CFAP97: variants seen among roughly 807,000 people sequenced by gnomAD.
The protein encoded by CFAP97 is cilia- and flagella-associated protein 97.
In CFAP97, 36 loss-of-function variants were observed where a neutral mutation model predicts 43.1. That is an observed-to-expected ratio of 0.84 (90% CI 0.64 to 1.10). The LOEUF (loss-of-function observed/expected upper bound fraction) is 1.10, where lower values mean the gene tolerates loss of function less well. Ranked by LOEUF, CFAP97 falls within the 50% of genes least tolerant of loss-of-function variation. The probability of loss-of-function intolerance (pLI) is 0.00; values close to 1 mark genes in which losing one functional copy is unlikely to be tolerated. For synonymous variants in CFAP97, 228 were observed against 225.7 expected (o/e 1.01, Z -0.09); for missense variants, 657 against 620.3 (o/e 1.06, Z -0.63).
chr4:185,199,204 C>T (rs991401240), intron 1 of CFAP97, among the ~76,000 whole-genome samples: 24 of 152,128 alleles, frequency 1.6e-4, no homozygotes, highest in African/African-American at 5.6e-4. Flanking sequence ...GAAACCCCAT[C>T]TCTACAAAAA....
At chr4:185,183,535 C>G (rs761995656) in intron 2 of CFAP97, among the ~76,000 whole-genome samples, 1 of 152,206 alleles carries the variant, frequency 6.6e-6, no homozygotes, top group East Asian at 1.9e-4. Context: ...TCATATCCAC[C>G]TACCATGACC....
At chr4:185,170,481 C>G in intron 3 of CFAP97, 3 of 366,454 alleles carry the variant, frequency 8.2e-6, no homozygotes, top group Non-Finnish European at 1.5e-5. Flanking sequence ...ACTGCAACCT[C>G]TGCTTCCCGG....
chr4:185,180,356 C>A (rs564490520), intron 2 of CFAP97, among the ~76,000 whole-genome samples: 8 of 152,214 alleles, frequency 5.3e-5, no homozygotes, highest in African/African-American at 1.9e-4. Flanking sequence ...TAACCATCAC[C>A]ACCACCAGTT....
chr4:185,190,447 A>AT lies in CFAP97; in HGVS notation c.749dup (p.Asp250GlufsTer5). ...ATAAGGGACTTACGTCAGTCACAGT[A>AT]TCTTCAGACTCCTCAGGGTAGTGGC... On this transcript the variant is annotated frameshift_variant, in exon 2 of 5. Transcript: ENST00000458385. LOFTEE classifies it high-confidence loss of function. 1 of 1,613,916 alleles carries AT rather than the reference A, an allele frequency of 6.2e-7. No individual in the cohort carries two copies. The highest frequency in any genetic ancestry group is 8.5e-7 in the Non-Finnish European group (1 of 1,179,840).
intron 1 of CFAP97, among the ~76,000 whole-genome samples, chr4:185,203,458 C>T (rs1342765106): frequency 2.6e-5 from 4 of 152,186 alleles, no homozygotes; most frequent in Non-Finnish European, 5.9e-5. Context: ...AAAATCCCGG[C>T]CCAAATTAAA....
chr4:185,176,383 G>A (rs1735544036), intron 2 of CFAP97, among the ~76,000 whole-genome samples: 1 of 152,150 alleles, frequency 6.6e-6, no homozygotes, highest in South Asian at 2.1e-4. Flanking sequence ...AAAGTGCTGG[G>A]ATTGCAGGTG....
chr4:185,171,097 T>C (rs1735286877), intron 3 of CFAP97, among the ~76,000 whole-genome samples: 1 of 151,894 alleles, frequency 6.6e-6, no homozygotes, highest in Non-Finnish European at 1.5e-5. Context: ...CTGGAAAAAT[T>C]ATGCTAACAG....
At chr4:185,181,028 G>T (rs898027953) in intron 2 of CFAP97, among the ~76,000 whole-genome samples, 1 of 151,950 alleles carries the variant, frequency 6.6e-6, no homozygotes, top group African/African-American at 2.4e-5. Flanking sequence ...AAAAGTCAGC[G>T]AGTGGCAGAG....
At chr4:185,189,145 G>GC (rs1286144435) in intron 2 of CFAP97, among the ~76,000 whole-genome samples, 1 of 152,186 alleles carries the variant, frequency 6.6e-6, no homozygotes, top group African/African-American at 2.4e-5. Flanking sequence ...GCTGAGGCAG[G>GC]AGGATTACTT....
intron 1 of CFAP97, among the ~76,000 whole-genome samples, chr4:185,191,915 TA>T (rs918019405): frequency 6.6e-5 from 10 of 151,190 alleles, no homozygotes; most frequent in African/African-American, 1.2e-4. Flanking sequence ...AGGATAGAGT[TA>T]AAAAAAAACT....
At chr4:185,202,204 T>C (rs1184486688) in intron 1 of CFAP97, among the ~76,000 whole-genome samples, 2 of 152,170 alleles carry the variant, frequency 1.3e-5, no homozygotes, top group African/African-American at 4.8e-5. Flanking sequence ...TGAGCCATGC[T>C]CTTTGCTACC....
chr4:185,194,477 G>A (rs1273668383), intron 1 of CFAP97, among the ~76,000 whole-genome samples: 1 of 152,122 alleles, frequency 6.6e-6, no homozygotes, highest in Non-Finnish European at 1.5e-5. Flanking sequence ...CGACAAGAGT[G>A]AGACTCCATC....
rs777729235 is a variant in CFAP97, at chr4:185,191,094, T to C, written c.103A>G (p.Lys35Glu). 12 of 1,612,780 alleles carry C rather than the reference T, an allele frequency of 7.4e-6. No individual in the cohort carries two copies. In the Admixed American group the frequency reaches 2.0e-4, roughly 27 times the overall value. The change falls in exon 2 of 5, where the codon AAG becomes GAG. Residue 35 changes from lysine (K) to glutamate (E), a missense_variant. Coordinates refer to ENST00000458385, the MANE Select transcript of CFAP97 (RefSeq NM_020827.3). ...CTTTCCTTTGGGTCATCATTTTGCT[T>C]GTCAAAAACTGAGTTAGTTTCACAT... The part of the protein sequence containing the change: ...KKCETNSVFD[K>E]QNDDPKERID...
intron 2 of CFAP97, among the ~76,000 whole-genome samples, chr4:185,176,953 T>C (rs1735573853): frequency 1.3e-5 from 2 of 152,224 alleles, no homozygotes; most frequent in Admixed American, 6.5e-5. Flanking sequence ...AGAAAGGTGT[T>C]TTTAGCTAGC....
chr4:185,180,928 A>T (rs563880160), intron 2 of CFAP97, among the ~76,000 whole-genome samples: 22 of 152,270 alleles, frequency 1.4e-4, no homozygotes, highest in Middle Eastern at 3.4e-3. Flanking sequence ...TACATCTACC[A>T]ATAGTTACCA....
At chr4:185,189,046 G>A (rs113379250) in intron 2 of CFAP97, among the ~76,000 whole-genome samples, 5,938 of 152,146 alleles carry the variant, frequency 0.039, 375 homozygotes, top group African/African-American at 0.13. Flanking sequence ...GACGCAGCCC[G>A]CGCAGCATAG....
chr4:185,191,098 A>G lies in CFAP97; in HGVS notation c.99T>C (p.Phe33=). Residue 33 remains phenylalanine (F), a synonymous_variant, in exon 2 of 5, where the codon TTT becomes TTC. Coordinates refer to ENST00000458385, the MANE Select transcript of CFAP97 (RefSeq NM_020827.3). Reference sequence around the variant, plus strand: ...CCTTTGGGTCATCATTTTGCTTGTCAAAAACTGAGTTAGTTTCACATTTCT... The same window carrying G: ...CCTTTGGGTCATCATTTTGCTTGTCGAAAACTGAGTTAGTTTCACATTTCT... ...EGKKCETNSV[F]DKQNDDPKER... 4 of 1,612,848 alleles carry G rather than the reference A, an allele frequency of 2.5e-6. No homozygotes were observed. Among genetic ancestry groups the G allele is most frequent in the Non-Finnish European group, 3.4e-6 (4 of 1,179,662 alleles).
upstream of CFAP97, chr4:185,204,303 G>T (rs955793236): frequency 9.2e-5 from 14 of 152,228 alleles, no homozygotes; most frequent in Non-Finnish European, 1.9e-4. Flanking sequence ...AGGGAAAGCT[G>T]CCTTGATTAT....
At position 185,190,159 on chromosome 4, in the gene CFAP97, C is replaced by G. The variant is rs1736167038; in HGVS notation, c.1038G>C (p.Leu346=). 1 of 1,565,586 alleles carries G rather than the reference C, an allele frequency of 6.4e-7. No homozygotes were observed. Among genetic ancestry groups the G allele is most frequent in the Non-Finnish European group, 8.6e-7 (1 of 1,157,384 alleles). ...KQKVLHDTMD[L]NHLLKAFLQL... is the part of the protein sequence containing the mutation. ...GAAAATTACCTTTCAAGAGATGATT[C>G]AGATCCATTGTGTCATGTAAGACTT... Residue 346 remains leucine, a synonymous_variant, in exon 2 of 5, where the codon CTG becomes CTC. Transcript: ENST00000458385.
Sources: gnomAD v4.1 joint callset for allele counts (sites outside exome capture counted in the v4.1 genomes callset) on GRCh38, gnomAD v4.1.1 for gene constraint, MANE v1.5 for transcripts, NCBI Gene and HGNC (gene_info 2026-07-23, HGNC 2026-07-21) for gene names.